CD209: variants seen among roughly 807,000 people sequenced by gnomAD.
CD209 encodes the protein CD209 antigen.
A neutral mutation model predicts 44.7 loss-of-function variants in CD209; 31 were observed. The ratio of observed to expected loss-of-function variants is 0.69; its 90% CI spans 0.52 to 0.94. The LOEUF is 0.94. Among genes scored for constraint, CD209 ranks in the 40% least tolerant of loss-of-function variants. The probability of loss-of-function intolerance (pLI) is 0.00; values close to 1 mark genes in which losing one functional copy is unlikely to be tolerated. For synonymous variants in CD209, 173 were observed against 181.3 expected, an observed-to-expected ratio of 0.95 and a Z score of 0.37; for missense variants, 407 against 452.4, an observed-to-expected ratio of 0.90 and a Z score of 0.91.
rs536311629 is a variant in CD209 at position 7,742,732 on chromosome 19, G to A, written c.*307C>T. 2.3e-5 allele frequency: 9 copies of A among 394,674 alleles called. No individual in the cohort carries two copies. The East Asian group carries it at 3.6e-4, about 16-fold the overall frequency. 24.4% of individuals were successfully genotyped at this position (394,674 alleles called of 1,614,324 possible). A position where few individuals can be genotyped will look rare whatever the true frequency, so the allele number is the denominator to read the frequency against. On this transcript the variant is annotated 3_prime_UTR_variant, in exon 7 of 7. Coordinates refer to ENST00000315599, the MANE Select transcript of CD209 (RefSeq NM_021155.4). ...GGTAGGTTTGCATGTATAAGATAAC[G>A]CCCCAGGGGACATAGCAGCTACACA...
Position 7,740,546 on chromosome 19 carries a change from C to T in CD209, c.*2493G>A, listed in dbSNP as rs560344977. ...TGAAGAAGGAGAAACGAAAGAAACG[C>T]CAGCAGGAACTTGCTCCACTGAGGG... is the stretch of plus-strand genomic sequence containing the variant. On this transcript the variant is annotated 3_prime_UTR_variant, in exon 7 of 7. Transcript: ENST00000315599. The T allele has an allele frequency of 1.8e-6, 2 of 1,132,224 alleles. No homozygotes were observed. The highest frequency in any genetic ancestry group is 4.7e-5 in the East Asian group (2 of 42,462). The allele number at this position is 1,132,224 out of a possible 1,614,324, so 70.1% of individuals were successfully genotyped here.
In CD209 at chr19:7,742,131, C is replaced by A; in HGVS notation, c.*908G>T. Reference sequence around the variant, plus strand: ...AGTAGAGACAGAACTGTTCAGAGTCCCAAATCCCAATAAACCTGTTTTATT... The same window carrying A: ...AGTAGAGACAGAACTGTTCAGAGTCACAAATCCCAATAAACCTGTTTTATT... On this transcript the variant is annotated 3_prime_UTR_variant, in exon 7 of 7. Transcript: ENST00000315599. 8.6e-6 allele frequency: 2 copies of A among 233,340 alleles called. No homozygotes were observed. Among genetic ancestry groups the A allele is most frequent in the South Asian group, 8.3e-5 (1 of 11,984 alleles). The allele number at this position is 233,340 out of a possible 1,614,324, so 14.5% of individuals were successfully genotyped here. A position where few individuals can be genotyped will look rare whatever the true frequency, so the allele number is the denominator to read the frequency against.
rs780315167 is a variant in CD209, at chr19:7,742,575, C to T, written c.*464G>A. 5.7e-6 allele frequency: 1 copy of T among 176,544 alleles called. No individual in the cohort carries two copies. Among genetic ancestry groups the T allele is most frequent in the Non-Finnish European group, 1.2e-5 (1 of 81,308 alleles). The allele number at this position is 176,544 out of a possible 1,614,324, so 10.9% of individuals were successfully genotyped here. Reference sequence around the variant, plus strand: ...GAAGGGGTTGCGTGGAGCCTCCATGCCCTCTCTGGGTGCCATTGGTTGACT... The same window carrying T: ...GAAGGGGTTGCGTGGAGCCTCCATGTCCTCTCTGGGTGCCATTGGTTGACT... On this transcript the variant is annotated 3_prime_UTR_variant, in exon 7 of 7. Coordinates refer to ENST00000315599, the MANE Select transcript of CD209 (RefSeq NM_021155.4).
In CD209 at chr19:7,742,685, G is replaced by A; in HGVS notation, c.*354C>T. 1 of 259,870 alleles carries A rather than the reference G, an allele frequency of 3.8e-6. No individual in the cohort carries two copies. The highest frequency in any genetic ancestry group is 6.8e-5 in the South Asian group (1 of 14,794). The allele number at this position is 259,870 out of a possible 1,614,324, so 16.1% of individuals were successfully genotyped here. ...CCCCGATCAAAGGGGTGCAGGAGGT[G>A]GTAGGTGGAAGTTGAACAGATGGTA... is the stretch of plus-strand genomic sequence containing the variant. On this transcript the variant is annotated 3_prime_UTR_variant, in exon 7 of 7. Transcript: ENST00000315599.
chr19:7,744,964 C>G lies in CD209; in HGVS notation c.877G>C (p.Val293Leu), dbSNP rs144347526. 9.9e-5 allele frequency: 160 copies of G among 1,614,220 alleles called. 1 individual carries two copies. In the African/African-American group the frequency reaches 1.9e-3, roughly 19 times the overall value. Residue 293 changes from valine (V) to leucine (L), a missense_variant, in exon 5 of 7, where the codon GTA (valine) becomes CTA (leucine). Physicochemically the swap from Val to Leu is conservative, Grantham distance 32 (BLOSUM62 1). Around this residue, in one of 3 missense-constraint regions of CD209, gnomAD observed 200 missense variants for 202.2 expected, o/e 0.99. Transcript: ENST00000315599. ...ACKEVGAQLV[V>L]IKSAEEQNFL... The stretch of plus-strand genomic sequence containing the variant: ...ACCTGCTCCTCAGCACTTTTGATTA[C>G]GACGAGCTGGGCCCCCACTTCTTTG...
intron 4 of CD209, 96 bp downstream of exon 4, chr19:7,745,422 T>C: frequency 6.2e-7 from 1 of 1,604,400 alleles, no homozygotes; most frequent in South Asian, 1.1e-5. Context: ...ATTTCACAGA[T>C]GAGGAAACTT....
rs1216170399 is a variant in CD209 at position 7,741,679 on chromosome 19, C to T, written c.*1360G>A. The T allele has an allele frequency of 5.1e-6, 4 of 783,596 alleles. No individual in the cohort carries two copies. The highest frequency in any genetic ancestry group is 8.7e-6 in the Non-Finnish European group (4 of 462,054). The allele number at this position is 783,596 out of a possible 1,614,324, so 48.5% of individuals were successfully genotyped here. A position where few individuals can be genotyped will look rare whatever the true frequency, so the allele number is the denominator to read the frequency against. On this transcript the variant is annotated 3_prime_UTR_variant, in exon 7 of 7. Transcript: ENST00000315599. Reference sequence around the variant, plus strand: ...CAGGACGACAGCTTCAGTGTGAATTCTGCCCAGTGGCTCGGTGGAAAATGA... The same window carrying T: ...CAGGACGACAGCTTCAGTGTGAATTTTGCCCAGTGGCTCGGTGGAAAATGA...
intron 3 of CD209, 117 bp from the exon 4 acceptor site, chr19:7,746,204 G>A (rs1440312975): frequency 6.9e-7 from 1 of 1,443,424 alleles, no homozygotes; most frequent in Non-Finnish European, 9.3e-7. Flanking sequence ...AATCCCCTTT[G>A]AAGATGAAGA....
In CD209 at chr19:7,742,047, G is replaced by T; in HGVS notation, c.*992C>A. 1 of 289,958 alleles carries T rather than the reference G, an allele frequency of 3.4e-6. No homozygotes were observed. The allele number at this position is 289,958 out of a possible 1,614,324, so 18.0% of individuals were successfully genotyped here. ...AGCCGCAGTGAGAACGGCCGGAGCC[G>T]TCACAGCCGGAGCCAAAGCTCCTCT... On this transcript the variant is annotated 3_prime_UTR_variant, in exon 7 of 7. Transcript: ENST00000315599.
intron 5 of CD209, 62 bp downstream of exon 5, chr19:7,744,879 C>G (rs974955293): frequency 1.2e-4 from 188 of 1,596,546 alleles, no homozygotes; most frequent in Non-Finnish European, 1.6e-4. Context: ...CTCTGAGCAC[C>G]TCCTCCCCAG....
At chr19:7,743,276 C>T (rs780441267) in intron 6 of CD209, 36 bp from the exon 7 acceptor site, 35 of 1,568,666 alleles carry the variant, frequency 2.2e-5, no homozygotes, top group South Asian at 6.7e-5. Context: ...CCTCTGTCCC[C>T]GCCAGCTACA....
At position 7,743,099 on chromosome 19, in the gene CD209, G is replaced by C; in HGVS notation, c.1155C>G (p.Ser385=). ...WICKKSAASC[S]RDEEQFLSPA... is the part of the protein sequence containing the mutation. ...GAGAAAGAAACTGTTCTTCATCCCT[G>C]GAGCAGGAGGCTGCGGACTTTTTGC... Residue 385 remains serine, a synonymous_variant, in exon 7 of 7, where the codon TCC becomes TCG. Transcript: ENST00000315599. The C allele has an allele frequency of 6.2e-7, 1 of 1,614,166 alleles. No individual in the cohort carries two copies.
Position 7,743,197 on chromosome 19 carries a change from C to A in CD209, c.1057G>T (p.Glu353Ter). Residue 353 changes from glutamate (E) to a stop codon, truncating the protein, a stop_gained, in exon 7 of 7, where the codon GAG (glutamate) becomes TAG (stop). Transcript: ENST00000315599. LOFTEE classifies it low-confidence loss of function (END_TRUNC). ...WNRGEPNNVG[E>*]EDCAEFSGNG... is the part of the protein sequence containing the mutation. ...CCACTAAATTCCGCGCAGTCTTCCT[C>A]CCCAACGTTGTTGGGCTCTCCTCTG... is the stretch of plus-strand genomic sequence containing the variant. The A allele has an allele frequency of 6.2e-7, 1 of 1,614,118 alleles. No homozygotes were observed. Among genetic ancestry groups the A allele is most frequent in the Non-Finnish European group, 8.5e-7 (1 of 1,179,990 alleles).
chr19:7,743,049 G>GGGGGGTTTGGGGTGGC lies in CD209; in HGVS notation c.1189_1204dup (p.Pro402ArgfsTer74). The GGGGGGTTTGGGGTGGC allele has an allele frequency of 1.9e-6, 3 of 1,611,148 alleles. No individual in the cohort carries two copies. Among genetic ancestry groups the GGGGGGTTTGGGGTGGC allele is most frequent in the Non-Finnish European group, 2.5e-6 (3 of 1,177,462 alleles). On this transcript the variant is annotated frameshift_variant, in exon 7 of 7. Transcript: ENST00000315599. LOFTEE classifies it high-confidence loss of function. ...GGGGGTGAAGTTCTGCTACGCAGGA[G>GGGGGGTTTGGGGTGGC]GGGGGTTTGGGGTGGCAGGGGCTGG... is the stretch of plus-strand genomic sequence containing the variant.
intron 6 of CD209, among the ~76,000 whole-genome samples, chr19:7,743,601 G>A (rs1333714858): frequency 6.6e-6 from 1 of 152,086 alleles, no homozygotes; most frequent in Non-Finnish European, 1.5e-5. Flanking sequence ...CTGTGCCCCA[G>A]AGCCCAAAAA....
chr19:7,740,225 C>T lies in CD209; in HGVS notation c.*2814G>A. ...ATGCCACGTGGTGTCCACTTCTTAA[C>T]TCAGTCCCTGTTCCTCGGTCTGAGC... On this transcript the variant is annotated 3_prime_UTR_variant, in exon 7 of 7. Coordinates refer to ENST00000315599, the MANE Select transcript of CD209 (RefSeq NM_021155.4). 5.4e-6 allele frequency: 2 copies of T among 373,090 alleles called. No homozygotes were observed. The highest frequency in any genetic ancestry group is 9.9e-6 in the Non-Finnish European group (2 of 202,024). 23.1% of individuals were successfully genotyped at this position (373,090 alleles called of 1,614,324 possible). A position where few individuals can be genotyped will look rare whatever the true frequency, so the allele number is the denominator to read the frequency against.
rs11465412 is a variant in CD209 at position 7,741,184 on chromosome 19, G to A, written c.*1855C>T. The stretch of plus-strand genomic sequence containing the variant: ...TGTGCTGCCCGAGTTCAAGAACGTG[G>A]GGAGAGACTGGGCGCGGTGGCTCAG... On this transcript the variant is annotated 3_prime_UTR_variant, in exon 7 of 7. Transcript: ENST00000315599. 0.048 allele frequency: 42,581 copies of A among 890,734 alleles called. 1,732 individuals are homozygous for A. Among genetic ancestry groups the A allele is most frequent in the African/African-American group, 0.16 (9,573 of 59,894 alleles). The allele number at this position is 890,734 out of a possible 1,614,324, so 55.2% of individuals were successfully genotyped here.
In CD209 at chr19:7,740,275, C is replaced by G; in HGVS notation, c.*2764G>C. ...CACTTAGGTTCCACGTGGATTTGCA[C>G]GCTTCGTTCATCTGGACATGCCCAG... On this transcript the variant is annotated 3_prime_UTR_variant, in exon 7 of 7. Transcript: ENST00000315599. 6.8e-6 allele frequency: 3 copies of G among 438,260 alleles called. No homozygotes were observed. The highest frequency in any genetic ancestry group is 2.4e-5 in the South Asian group (1 of 42,544). 27.1% of individuals were successfully genotyped at this position (438,260 alleles called of 1,614,324 possible). A position where few individuals can be genotyped will look rare whatever the true frequency, so the allele number is the denominator to read the frequency against.
At chr19:7,743,722 C>T (rs1382478335) in intron 6 of CD209, among the ~76,000 whole-genome samples, 1 of 152,142 alleles carries the variant, frequency 6.6e-6, no homozygotes, top group South Asian at 2.1e-4. Flanking sequence ...ACCACTCTGA[C>T]TCATAACAGA....
Sources: allele counts gnomAD v4.1 joint callset (sites outside exome capture counted in the v4.1 genomes callset), GRCh38; gene constraint gnomAD v4.1.1; regional missense constraint gnomAD v4.1.1; transcripts MANE v1.5; gene names NCBI Gene and HGNC (gene_info 2026-07-23, HGNC 2026-07-21).